The following PALM2AKAP2 variants were observed in gnomAD, a reference collection of about 807,000 sequenced individuals.
PALM2AKAP2 encodes the protein PALM2-AKAP2 fusion protein.
In PALM2AKAP2, 37 loss-of-function variants were observed where a neutral mutation model predicts 71.5. That is an observed-to-expected ratio of 0.52 (90% CI 0.40 to 0.68). The LOEUF (loss-of-function observed/expected upper bound fraction) is 0.68. Among genes scored for constraint, PALM2AKAP2 ranks in the 30% least tolerant of loss-of-function variants. PALM2AKAP2 has a pLI of 0.00. For synonymous variants in PALM2AKAP2, 468 were observed against 478.8 expected (o/e 0.98, Z 0.29); for missense variants, 1,224 against 1,191.8 (o/e 1.03, Z -0.40).
At chr9:110,148,426 C>T (rs925963281) in intron 2 of PALM2AKAP2, 2 of 152,172 alleles carry the variant, frequency 1.3e-5, no homozygotes, top group South Asian at 2.1e-4. Context: ...CATATCATCA[C>T]ATTCTCCCAC....
In PALM2AKAP2 at chr9:110,014,803, AATGTATAT is replaced by A. The variant is rs1199287969; in HGVS notation, c.497-1148_497-1141del. On this transcript the variant is annotated intron_variant, in intron 6 of 9. Coordinates refer to the PALM2AKAP2 transcript ENST00000302798. ...TCAAAAAAAAAAAAAAAAAAAAAAA[AATGTATAT>A]ATATATATATATATATATATATATA... Among the ~76,000 whole-genome samples, 96 of 16,016 alleles carry A rather than the reference AATGTATAT, an allele frequency of 6.0e-3. 4 individuals carry two copies. The highest frequency in any genetic ancestry group is 0.056 in the Middle Eastern group (1 of 18). The allele number at this position is 16,016 out of a possible 152,430, so 10.5% of individuals were successfully genotyped here.
chr9:109,829,835 A>C (rs1194019806), intron 1 of PALM2AKAP2, among the ~76,000 whole-genome samples: 3 of 152,086 alleles, frequency 2.0e-5, no homozygotes, highest in African/African-American at 7.2e-5. Context: ...ATGCAATGCA[A>C]AATAACCTTG....
At chr9:109,875,168 A>C (rs977603760) in intron 2 of PALM2AKAP2, among the ~76,000 whole-genome samples, 1 of 152,164 alleles carries the variant, frequency 6.6e-6, no homozygotes, top group Non-Finnish European at 1.5e-5. Flanking sequence ...GTCCACAAAC[A>C]CACCAAACTC....
At chr9:109,755,641 C>A (rs1014432497) in intron 1 of PALM2AKAP2, among the ~76,000 whole-genome samples, 3 of 152,052 alleles carry the variant, frequency 2.0e-5, no homozygotes, top group African/African-American at 7.2e-5. Flanking sequence ...CAGAGTGAAA[C>A]CTTGTCTCTC....
At chr9:109,826,226 T>G (rs1176709549) in intron 1 of PALM2AKAP2, among the ~76,000 whole-genome samples, 24 of 121,790 alleles carry the variant, frequency 2.0e-4, no homozygotes, top group African/African-American at 2.6e-4. Flanking sequence ...GGGGTGGGGG[T>G]AGGGGGGAGG....
At position 110,107,148 on chromosome 9, in the gene PALM2AKAP2, G is replaced by GT. The variant is rs112318191; in HGVS notation, c.157-28972dup. On this transcript the variant is annotated intron_variant, in intron 1 of 3. Transcript: ENST00000374525. The stretch of plus-strand genomic sequence containing the variant: ...GATGCAAAAATATTCTAGTTGTTTG[G>GT]TTTTTTTAAAAAATGAGTTTTAGTG... 3.9e-5 allele frequency among the ~76,000 whole-genome samples: 6 copies of GT among 152,210 alleles called. 1 individual carries two copies. The highest frequency in any genetic ancestry group is 1.2e-4 in the African/African-American group (5 of 41,528).
Position 110,040,275 on chromosome 9 carries a change from C to A in PALM2AKAP2, c.582+24236C>A, listed in dbSNP as rs776186732. Among the ~76,000 whole-genome samples the A allele has an allele frequency of 1.1e-4, 17 of 152,210 alleles. No homozygotes were observed. In the East Asian group the frequency reaches 1.2e-3, roughly 10 times the overall value. On this transcript the variant is annotated intron_variant, in intron 7 of 9. Transcript: ENST00000302798. ...TCTCCGTATTTAAATGATCTTAACA[C>A]CTTATAATCGTAATAGTTACTTAGA...
At chr9:109,834,243 T>C (rs1587943930) in intron 1 of PALM2AKAP2, among the ~76,000 whole-genome samples, 1 of 152,084 alleles carries the variant, frequency 6.6e-6, no homozygotes, top group African/African-American at 2.4e-5. Flanking sequence ...GAAAAGAATG[T>C]CATTTGACAG....
chr9:110,066,768 T>C (rs1031141408), intron 1 of PALM2AKAP2, among the ~76,000 whole-genome samples: 5 of 152,080 alleles, frequency 3.3e-5, no homozygotes, highest in Middle Eastern at 6.8e-3. Flanking sequence ...TACTAAAATA[T>C]AAAGGAGATA....
At chr9:109,904,744 G>A (rs992891962) in intron 3 of PALM2AKAP2, among the ~76,000 whole-genome samples, 4 of 152,178 alleles carry the variant, frequency 2.6e-5, no homozygotes, top group African/African-American at 9.7e-5. Flanking sequence ...GGAAGAGGCA[G>A]GCTGTTTTTT....
intron 1 of PALM2AKAP2, among the ~76,000 whole-genome samples, chr9:109,838,395 T>G (rs1227021601): frequency 2.6e-5 from 4 of 152,200 alleles, no homozygotes; most frequent in Non-Finnish European, 4.4e-5. Context: ...GAGGGAAATT[T>G]ATAGCACTAA....
intron 1 of PALM2AKAP2, among the ~76,000 whole-genome samples, chr9:109,763,544 A>G (rs775732576): frequency 3.9e-5 from 6 of 152,166 alleles, no homozygotes; most frequent in Non-Finnish European, 7.3e-5. Flanking sequence ...ACTTAATATT[A>G]GTTTCTTAGC....
chr9:109,744,934 A>G (rs78039862), intron 1 of PALM2AKAP2, among the ~76,000 whole-genome samples: 6,508 of 152,302 alleles, frequency 0.043, 191 homozygotes, highest in Non-Finnish European at 0.053. Context: ...GGACTAAGGC[A>G]TCTTCTCCAT....
At chr9:109,700,740 G>A (rs1017863212) in intron 1 of PALM2AKAP2, among the ~76,000 whole-genome samples, 1 of 152,122 alleles carries the variant, frequency 6.6e-6, no homozygotes, top group Non-Finnish European at 1.5e-5. Flanking sequence ...TTTTTGCTGG[G>A]CTGTGTCTGT....
At chr9:109,698,272 ATTTTT>A (rs774359983) in intron 1 of PALM2AKAP2, among the ~76,000 whole-genome samples, 3 of 118,566 alleles carry the variant, frequency 2.5e-5, no homozygotes, top group Non-Finnish European at 5.2e-5. Context: ...TGTGTGCTAC[ATTTTT>A]TTTTTTTTTT....
At chr9:109,845,255 A>G (rs917089982) in intron 1 of PALM2AKAP2, among the ~76,000 whole-genome samples, 1 of 152,180 alleles carries the variant, frequency 6.6e-6, no homozygotes, top group African/African-American at 2.4e-5. Context: ...CTGAGAGAAT[A>G]TTTTGATCAC....
chr9:109,986,487 C>G (rs1832381534), intron 6 of PALM2AKAP2, among the ~76,000 whole-genome samples: 1 of 152,154 alleles, frequency 6.6e-6, no homozygotes. Context: ...TCCTTTATGT[C>G]CAGTTCTTCC....
chr9:110,145,562 A>G (rs1836143244), intron 2 of PALM2AKAP2, among the ~76,000 whole-genome samples: 1 of 152,130 alleles, frequency 6.6e-6, no homozygotes, highest in African/African-American at 2.4e-5. Flanking sequence ...GTCAAAGTCA[A>G]CTAAGTTAGT....
At chr9:110,142,105 T>C (rs1034490734) in intron 2 of PALM2AKAP2, among the ~76,000 whole-genome samples, 18 of 147,550 alleles carry the variant, frequency 1.2e-4, no homozygotes, top group African/African-American at 3.8e-4. Flanking sequence ...AGAGTCTTGC[T>C]CTGTCTCCCA....
Sources: gnomAD v4.1 joint callset for allele counts (sites outside exome capture counted in the v4.1 genomes callset) on GRCh38, gnomAD v4.1.1 for gene constraint, MANE v1.5 for transcripts, NCBI Gene and HGNC (gene_info 2026-07-23, HGNC 2026-07-21) for gene names.